Variants in RDX observed in about 807,000 individuals in gnomAD.
RDX encodes radixin.
RDX carries 32 observed loss-of-function variants against 83.7 expected under a neutral mutation model. That is an observed-to-expected ratio of 0.38 (90% CI 0.29 to 0.51). The LOEUF is 0.51. Ranked by LOEUF, RDX falls within the 20% of genes least tolerant of loss-of-function variation. The probability of loss-of-function intolerance (pLI) is 0.87; values close to 1 mark genes in which losing one functional copy is unlikely to be tolerated. For synonymous variants in RDX, 229 were observed against 222.7 expected, an observed-to-expected ratio of 1.03 and a Z score of -0.25; for missense variants, 600 against 689.9, an observed-to-expected ratio of 0.87 and a Z score of 1.46.
At chr11:110,192,022 A>G (rs1340493642) in intron 15 of RDX, among the ~76,000 whole-genome samples, 2 of 152,242 alleles carry the variant, frequency 1.3e-5, no homozygotes, top group East Asian at 3.8e-4. Flanking sequence ...TTTTCACAGA[A>G]TTAGAAAAAG....
chr11:110,208,003 T>A lies in RDX; in HGVS notation c.1749-8325A>T, dbSNP rs191693615. On this transcript the variant is annotated intron_variant, in intron 14 of 15. Transcript: ENST00000528498. ...TTGAATCAGATTTTTTTTTTTTTTT[T>A]AATAGAGACGGGGCACCATATTGCC... 7.0e-5 allele frequency among the ~76,000 whole-genome samples: 10 copies of A among 142,274 alleles called. 1 individual carries two copies. The highest frequency in any genetic ancestry group is 2.6e-4 in the African/African-American group (10 of 37,886). The allele number at this position is 142,274 out of a possible 152,430, so 93.3% of individuals were successfully genotyped here.
chr11:110,268,179 G>A (rs958288072), intron 3 of RDX, among the ~76,000 whole-genome samples: 4 of 151,912 alleles, frequency 2.6e-5, no homozygotes, highest in African/African-American at 7.2e-5. Flanking sequence ...ATGGTGGCAA[G>A]GGCCTGTAAT....
intron 1 of RDX, among the ~76,000 whole-genome samples, chr11:110,281,777 C>T (rs1860772052): frequency 6.6e-6 from 1 of 151,914 alleles, no homozygotes; most frequent in Non-Finnish European, 1.5e-5. Flanking sequence ...ACTATTACTG[C>T]CTTAGTTCAG....
chr11:110,239,205 A>G (rs1460157683), intron 10 of RDX, among the ~76,000 whole-genome samples: 1 of 151,966 alleles, frequency 6.6e-6, no homozygotes, highest in Non-Finnish European at 1.5e-5. Context: ...AAGCAATTCC[A>G]TTTACCATAG....
At chr11:110,207,421 A>C (rs1333931496) in intron 14 of RDX, among the ~76,000 whole-genome samples, 1 of 152,200 alleles carries the variant, frequency 6.6e-6, no homozygotes, top group African/African-American at 2.4e-5. Context: ...TCAAGTATCT[A>C]AGAAATCCCT....
intron 5 of RDX, among the ~76,000 whole-genome samples, chr11:110,263,709 T>TA (rs986024653): frequency 6.9e-4 from 102 of 147,458 alleles, no homozygotes; most frequent in Non-Finnish European, 1.1e-3. Flanking sequence ...AAAAATACAT[T>TA]AAAAAAAAAA....
chr11:110,217,488 G>A (rs1019873949), intron 14 of RDX, among the ~76,000 whole-genome samples: 1 of 152,198 alleles, frequency 6.6e-6, no homozygotes, highest in Non-Finnish European at 1.5e-5. Context: ...GTCCTTAGCA[G>A]CTCCAGAACG....
At chr11:110,232,680 G>T (rs1420685814) in intron 13 of RDX, among the ~76,000 whole-genome samples, 7 of 152,004 alleles carry the variant, frequency 4.6e-5, no homozygotes, top group Admixed American at 1.3e-4. Context: ...AAGTGCAGTG[G>T]CATGATCTCG....
At chr11:110,209,747 G>A (rs1192016233) in intron 14 of RDX, among the ~76,000 whole-genome samples, 2 of 145,538 alleles carry the variant, frequency 1.4e-5, no homozygotes, top group Admixed American at 1.4e-4. Context: ...TCACACAGCA[G>A]GGTACTCCAA....
In RDX at chr11:110,280,145, G is replaced by A. The variant is rs1860696174; in HGVS notation, c.-64-389C>T. ...AAGACAGATGGATTCAGACTCTGAA[G>A]AGCTTAAGAATACTTATTCAATGTT... On this transcript the variant is annotated intron_variant, in intron 1 of 13. Coordinates refer to ENST00000645495, the MANE Select transcript of RDX (RefSeq NM_002906.4). Among the ~76,000 whole-genome samples, 4 of 152,136 alleles carry A rather than the reference G, an allele frequency of 2.6e-5. No homozygotes were observed. The South Asian group carries it at 8.3e-4, about 31-fold the overall frequency.
At position 110,229,486 on chromosome 11, in the gene RDX, T is replaced by C. The variant is rs1367969285; in HGVS notation, c.*2383A>G. ...CACTTTATTGTTAACCAATGAATAT[T>C]ATCCAAAATTAGAGATGTAATTGTA... is the stretch of plus-strand genomic sequence containing the variant. On this transcript the variant is annotated 3_prime_UTR_variant, in exon 14 of 14. Transcript: ENST00000645495. 1.3e-5 allele frequency: 2 copies of C among 152,458 alleles called. No homozygotes were observed. Among genetic ancestry groups the C allele is most frequent in the Non-Finnish European group, 2.9e-5 (2 of 67,892 alleles). The allele number at this position is 152,458 out of a possible 1,614,324, so 9.4% of individuals were successfully genotyped here.
intron 1 of RDX, among the ~76,000 whole-genome samples, chr11:110,296,231 C>T (rs1021599470): frequency 1.3e-5 from 2 of 152,020 alleles, no homozygotes; most frequent in Non-Finnish European, 2.9e-5. Flanking sequence ...CGGGCCGCGG[C>T]TCAGCCACGA....
At chr11:110,252,834 G>A (rs542678786) in intron 9 of RDX, among the ~76,000 whole-genome samples, 1 of 152,062 alleles carries the variant, frequency 6.6e-6, no homozygotes, top group South Asian at 2.1e-4. Flanking sequence ...CATGTTGCCT[G>A]TTGCCCTGAT....
intron 15 of RDX, among the ~76,000 whole-genome samples, chr11:110,184,471 G>A (rs147004645): frequency 1.3e-5 from 2 of 152,224 alleles, no homozygotes; most frequent in Non-Finnish European, 2.9e-5. Context: ...AGAGAGCAAG[G>A]CACGGGCCTC....
intron 3 of RDX, among the ~76,000 whole-genome samples, chr11:110,270,004 T>C (rs1007459711): frequency 2.0e-5 from 3 of 152,104 alleles, no homozygotes; most frequent in African/African-American, 7.2e-5. Flanking sequence ...ATCGCACCAC[T>C]GCATTCCAGC....
At chr11:110,205,309 C>A (rs1863560533) in intron 14 of RDX, among the ~76,000 whole-genome samples, 1 of 151,098 alleles carries the variant, frequency 6.6e-6, no homozygotes. Flanking sequence ...AAAATATCTT[C>A]ATGACATAAA....
chr11:110,217,150 A>G lies in RDX; in HGVS notation c.1748+14723T>C, dbSNP rs555837179. Reference sequence around the variant, plus strand: ...TTTCCTCCTTCAGGTAGCAACTTACATGCCACTTCCTCAGAGACTTTTTCT... The same window carrying G: ...TTTCCTCCTTCAGGTAGCAACTTACGTGCCACTTCCTCAGAGACTTTTTCT... On this transcript the variant is annotated intron_variant, in intron 14 of 15. Transcript: ENST00000528498. Among the ~76,000 whole-genome samples the G allele has an allele frequency of 2.6e-5, 4 of 152,276 alleles. No homozygotes were observed. The East Asian group carries it at 7.7e-4, about 29-fold the overall frequency.
intron 1 of RDX, among the ~76,000 whole-genome samples, chr11:110,293,538 C>A (rs1861327607): frequency 6.6e-6 from 1 of 152,130 alleles, no homozygotes; most frequent in Non-Finnish European, 1.5e-5. Context: ...GTACGCACAC[C>A]CTGGCTGCAG....
rs371565549 is a variant in RDX, at chr11:110,257,755, T to G, written c.698+12A>C. 6.2e-7 allele frequency: 1 copy of G among 1,611,334 alleles called. No individual in the cohort carries two copies. The highest frequency in any genetic ancestry group is 2.2e-5 in the East Asian group (1 of 44,748). ...AACAATGACTAGTTCACTATGCAACTAATTTACTTACTTGTCGTCATGCTC... is the reference window on the plus strand; with the variant it reads ...AACAATGACTAGTTCACTATGCAACGAATTTACTTACTTGTCGTCATGCTC... On this transcript the variant is annotated intron_variant, in intron 7 of 13. Transcript: ENST00000645495.
Sources: allele counts gnomAD v4.1 joint callset (sites outside exome capture counted in the v4.1 genomes callset), GRCh38; gene constraint gnomAD v4.1.1; transcripts MANE v1.5; gene names NCBI Gene and HGNC (gene_info 2026-07-23, HGNC 2026-07-21).